Variants in F10 observed in about 807,000 individuals in gnomAD.
F10 encodes Stuart-Prower factor.
Under a neutral mutation model 37.1 loss-of-function variants are expected in F10, and 29 were observed. The observed-to-expected ratio is 0.78, with a 90% CI of 0.58 to 1.07. The LOEUF is 1.07. Ranked by LOEUF, F10 falls within the 50% of genes least tolerant of loss-of-function variation. The pLI, the probability that F10 is intolerant of heterozygous loss-of-function variation, is 0.00. For missense variants in F10, 539 were observed against 667.9 expected (o/e 0.81, Z 2.13); for synonymous variants, 262 against 268.6 (o/e 0.98, Z 0.24).
At chr13:113,138,768 A>G (rs185519960) in intron 3 of F10, among the ~76,000 whole-genome samples, 36 of 152,380 alleles carry the variant, frequency 2.4e-4, no homozygotes, top group African/African-American at 7.9e-4. Context: ...TGTATTCGGT[A>G]AAAGCAAAAA....
intron 2 of F10, among the ~76,000 whole-genome samples, chr13:113,136,671 G>T (rs2138537385): frequency 6.3e-4 from 1 of 1,588 alleles, no homozygotes; most frequent in Non-Finnish European, 6.8e-3. Context: ...TTTTTTTTGA[G>T]ACGGAGTCTC....
intron 7 of F10, among the ~76,000 whole-genome samples, chr13:113,148,343 A>ATAT (rs1168456413): frequency 9.1e-5 from 9 of 99,204 alleles, no homozygotes; most frequent in African/African-American, 2.5e-4. Flanking sequence ...AAAAAAAAAA[A>ATAT]AAATATATAT....
At chr13:113,140,414 G>A (rs1479821393) in intron 4 of F10, 1 of 427,870 alleles carries the variant, frequency 2.3e-6, no homozygotes, top group Non-Finnish European at 4.8e-6. Context: ...TCTTAGATTG[G>A]ATTACTTTTG....
At chr13:113,140,379 C>T in intron 4 of F10, 1 of 392,638 alleles carries the variant, frequency 2.5e-6, no homozygotes, top group Non-Finnish European at 5.1e-6. Flanking sequence ...CAGCGCCGGC[C>T]TAATTGATCA....
At position 113,147,449 on chromosome 13, in the gene F10, C is replaced by T. The variant is rs1440527779; in HGVS notation, c.818C>T (p.Thr273Met). The T allele has an allele frequency of 2.5e-6, 4 of 1,613,972 alleles. No individual in the cohort carries two copies. Among genetic ancestry groups the T allele is most frequent in the South Asian group, 2.2e-5 (2 of 91,072 alleles). The change falls in exon 7 of 8, where the codon ACG (threonine) becomes ATG (methionine). Residue 273 changes from threonine to methionine, a missense_variant. Coordinates refer to ENST00000375559, the MANE Select transcript of F10 (RefSeq NM_000504.4). Reference protein sequence around the residue: ...GTILSEFYILTAAHCLYQAKR... With the variant: ...GTILSEFYILMAAHCLYQAKR... ...ATTCTGAGCGAGTTCTACATCCTAACGGCAGCCCACTGTCTCTACCAAGCC... is the reference window on the plus strand; with the variant it reads ...ATTCTGAGCGAGTTCTACATCCTAATGGCAGCCCACTGTCTCTACCAAGCC...
In F10 at chr13:113,146,341, C is replaced by T. The variant is rs45537834; in HGVS notation, c.748-1038C>T. The stretch of plus-strand genomic sequence containing the variant: ...AGAACCTCGATGCAGGAGACCCCAC[C>T]GAGGATGAGCAGGAAAAGCCTCTTG... On this transcript the variant is annotated intron_variant, in intron 6 of 7. Transcript: ENST00000375559. The surrounding 1 kb of genome is among the most constrained non-coding windows in gnomAD (Gnocchi z 4.5). 0.035 allele frequency among the ~76,000 whole-genome samples: 5,277 copies of T among 152,170 alleles called. 113 individuals carry two copies. Among genetic ancestry groups the T allele is most frequent in the Non-Finnish European group, 0.048 (3,271 of 67,992 alleles).
intron 1 of F10, chr13:113,128,199 C>T (rs983593593): frequency 2.0e-5 from 3 of 152,202 alleles, no homozygotes; most frequent in South Asian, 2.1e-4. Flanking sequence ...GACCACGACC[C>T]ATGACACAGC....
At chr13:113,135,038 C>T (rs781507606) in intron 2 of F10, among the ~76,000 whole-genome samples, 15 of 151,976 alleles carry the variant, frequency 9.9e-5, no homozygotes, top group South Asian at 8.3e-4. Context: ...GTCGGGAGTT[C>T]GAGACCAGCC....
intron 5 of F10, among the ~76,000 whole-genome samples, chr13:113,142,765 A>T (rs1229605790): frequency 7.6e-6 from 1 of 130,774 alleles, no homozygotes; most frequent in Non-Finnish European, 1.8e-5. Context: ...GTCTCTATAA[A>T]AAAAAAAATA....
chr13:113,140,827 T>A, intron 4 of F10, 92 bp from the exon 5 acceptor site: 1 of 1,599,506 alleles, frequency 6.3e-7, no homozygotes, highest in South Asian at 1.1e-5. Flanking sequence ...GCTTTGTGGC[T>A]GACAGGCAAG....
Position 113,149,184 on chromosome 13 carries a change from G to C in F10, c.1134G>C (p.Lys378Asn). ...HEKGRQSTRLKMLEVPYVDRN... is the reference protein window; with the variant it reads ...HEKGRQSTRLNMLEVPYVDRN... ...AGGGCCGGCAGTCCACCAGGCTCAA[G>C]ATGCTGGAGGTGCCCTACGTGGACC... is the stretch of plus-strand genomic sequence containing the variant. Residue 378 changes from lysine to asparagine, a missense_variant, in exon 8 of 8, where the codon AAG becomes AAC. By Grantham distance (94) the Lys-to-Asn change is moderately conservative (BLOSUM62 0). Transcript: ENST00000375559. This position sits in a 1 kb window ranked among gnomAD's most constrained non-coding sequence, Gnocchi z 7.5. 3 of 1,613,000 alleles carry C rather than the reference G, an allele frequency of 1.9e-6. No homozygotes were observed. In the Admixed American group the frequency reaches 5.0e-5, roughly 27 times the overall value.
Position 113,139,584 on chromosome 13 carries a change from C to A in F10, c.370+114C>A. The A allele has an allele frequency of 1.2e-6, 1 of 844,318 alleles. No homozygotes were observed. Among genetic ancestry groups the A allele is most frequent in the Admixed American group, 2.0e-5 (1 of 50,108 alleles). The allele number at this position is 844,318 out of a possible 1,614,324, so 52.3% of individuals were successfully genotyped here. A position where few individuals can be genotyped will look rare whatever the true frequency, so the allele number is the denominator to read the frequency against. On this transcript the variant is annotated intron_variant, in intron 4 of 7. Coordinates refer to ENST00000375559, the MANE Select transcript of F10 (RefSeq NM_000504.4). This position sits in a 1 kb window ranked among gnomAD's most constrained non-coding sequence, Gnocchi z 5.2. ...ACAATCTTAAGTCATTTCTGATTTA[C>A]AAAGTCTGGGCTCTATTATACCTAT...
intron 7 of F10, 86 bp from the exon 8 acceptor site, chr13:113,148,830 A>AT (rs1566922494): frequency 7.2e-6 from 11 of 1,533,298 alleles, no homozygotes; most frequent in African/African-American, 4.2e-5. Flanking sequence ...AATTTAAAAA[A>AT]ATATATATAA....
Position 113,143,643 on chromosome 13 carries a change from G to A in F10, c.503-208G>A, listed in dbSNP as rs1441775868. Reference sequence around the variant, plus strand: ...CCATTGTTCACAGGCGGTCACCTGAGGGGAGGCCAACGCTCGGACAGCTGC... The same window carrying A: ...CCATTGTTCACAGGCGGTCACCTGAAGGGAGGCCAACGCTCGGACAGCTGC... On this transcript the variant is annotated intron_variant, in intron 5 of 7. Coordinates refer to ENST00000375559, the MANE Select transcript of F10 (RefSeq NM_000504.4). This position sits in a 1 kb window ranked among gnomAD's most constrained non-coding sequence, Gnocchi z 6.8. Among the ~76,000 whole-genome samples the A allele has an allele frequency of 6.6e-6, 1 of 152,172 alleles. No individual in the cohort carries two copies. The highest frequency in any genetic ancestry group is 2.4e-5 in the African/African-American group (1 of 41,440).
In F10 at chr13:113,149,191, G is replaced by C; in HGVS notation, c.1141G>C (p.Glu381Gln). ...GRQSTRLKML[E>Q]VPYVDRNSCK... ...GCAGTCCACCAGGCTCAAGATGCTG[G>C]AGGTGCCCTACGTGGACCGCAACAG... The change falls in exon 8 of 8, where the codon GAG becomes CAG. Residue 381 changes from glutamate (E) to glutamine (Q), a missense_variant. Coordinates refer to ENST00000375559, the MANE Select transcript of F10 (RefSeq NM_000504.4). The surrounding 1 kb of genome is among the most constrained non-coding windows in gnomAD (Gnocchi z 7.5). 4 of 1,613,012 alleles carry C rather than the reference G, an allele frequency of 2.5e-6. No homozygotes were observed. The highest frequency in any genetic ancestry group is 3.4e-6 in the Non-Finnish European group (4 of 1,180,014).
Position 113,139,032 on chromosome 13 carries a change from C to A in F10, c.257-325C>A, listed in dbSNP as rs2036503612. ...CCTAACCTCCTCTCCCGTCAAGGCC[C>A]AGCCCAGAAATGAGCATCAGGCTCT... On this transcript the variant is annotated intron_variant, in intron 3 of 7. Transcript: ENST00000375559. This position sits in a 1 kb window ranked among gnomAD's most constrained non-coding sequence, Gnocchi z 5.2. 6.6e-6 allele frequency among the ~76,000 whole-genome samples: 1 copy of A among 152,262 alleles called. No homozygotes were observed. The highest frequency in any genetic ancestry group is 6.5e-5 in the Admixed American group (1 of 15,286).
intron 5 of F10, among the ~76,000 whole-genome samples, chr13:113,142,793 G>T (rs142430709): frequency 6.7e-6 from 1 of 148,548 alleles, no homozygotes; most frequent in African/African-American, 2.5e-5. Context: ...TTAGCTGGGC[G>T]TGGTGGCGCA....
chr13:113,129,124 G>A (rs908824096), intron 1 of F10, among the ~76,000 whole-genome samples: 3 of 152,152 alleles, frequency 2.0e-5, no homozygotes, highest in Non-Finnish European at 2.9e-5. Context: ...TTGCTACAAA[G>A]ACTCTGTTTG....
chr13:113,140,883 A>C (rs1310941167), intron 4 of F10, 36 bp from the exon 5 acceptor site: 6 of 1,613,632 alleles, frequency 3.7e-6, no homozygotes, highest in Non-Finnish European at 3.4e-6. Flanking sequence ...CCATTTCTCC[A>C]GCTGTCCCCA....
Sources: gnomAD v4.1 joint callset for allele counts (sites outside exome capture counted in the v4.1 genomes callset) on GRCh38, gnomAD v4.1.1 for gene constraint, Gnocchi (gnomAD v3.1) non-coding constraint, MANE v1.5 for transcripts, NCBI Gene and HGNC (gene_info 2026-07-23, HGNC 2026-07-21) for gene names.